Variants in PTPRD observed in about 807,000 individuals in gnomAD.
PTPRD encodes the protein protein tyrosine phosphatase receptor type D, also known as receptor-type tyrosine-protein phosphatase delta.
Under a neutral mutation model 214.5 loss-of-function variants are expected in PTPRD, and 34 were observed. The ratio of observed to expected loss-of-function variants is 0.16; its 90% CI spans 0.12 to 0.21. The LOEUF is 0.21. Ranked by LOEUF, PTPRD falls within the 10% of genes least tolerant of loss-of-function variation. The pLI is 1.00. For missense variants in PTPRD, 2,545 were observed against 2,398.7 expected (o/e 1.06, Z -1.27); for synonymous variants, 1,128 against 845.7 (o/e 1.33, Z -5.79).
chr9:10,361,164 G>A (rs760010900), intron 2 of PTPRD, among the ~76,000 whole-genome samples: 6 of 152,122 alleles, frequency 3.9e-5, no homozygotes, highest in Non-Finnish European at 7.4e-5. Context: ...AAGTCAAAAA[G>A]TATTGAGAAG....
chr9:9,898,342 T>C (rs901416140), intron 5 of PTPRD, among the ~76,000 whole-genome samples: 3 of 152,126 alleles, frequency 2.0e-5, no homozygotes, highest in Non-Finnish European at 4.4e-5. Context: ...AGATAGATTT[T>C]AATTAGCTGT....
At chr9:9,081,622 G>T (rs962911737) in intron 10 of PTPRD, among the ~76,000 whole-genome samples, 2 of 151,978 alleles carry the variant, frequency 1.3e-5, no homozygotes, top group African/African-American at 4.8e-5. Context: ...ATTATTGTGT[G>T]GGAGTCTAAG....
At chr9:9,350,161 GCCTTAGTATCATAAAAAAAT>G in intron 9 of PTPRD, among the ~76,000 whole-genome samples, 1 of 152,028 alleles carries the variant, frequency 6.6e-6, no homozygotes, top group South Asian at 2.1e-4. Context: ...TCTTTTTTCA[GCCTTAGTATCATAAAAAAAT>G]GTTCCTCTCC....
intron 14 of PTPRD, among the ~76,000 whole-genome samples, chr9:8,608,200 A>G (rs1484297902): frequency 6.6e-6 from 1 of 151,950 alleles, no homozygotes; most frequent in Non-Finnish European, 1.5e-5. Context: ...CTGTTACCCT[A>G]TTAACCCGGA....
intron 3 of PTPRD, among the ~76,000 whole-genome samples, chr9:10,265,729 C>T (rs546948418): frequency 6.6e-6 from 1 of 152,128 alleles, no homozygotes; most frequent in African/African-American, 2.4e-5. Context: ...TAGGCAGCAT[C>T]CGGACCTGAT....
chr9:8,695,740 T>C (rs1293573208), intron 12 of PTPRD, among the ~76,000 whole-genome samples: 1 of 152,240 alleles, frequency 6.6e-6, no homozygotes, highest in Non-Finnish European at 1.5e-5. Context: ...TGATCTATGA[T>C]AAATCAAATC....
chr9:8,576,440 T>C (rs948452099), intron 14 of PTPRD, among the ~76,000 whole-genome samples: 3 of 152,258 alleles, frequency 2.0e-5, no homozygotes, highest in Middle Eastern at 3.4e-3. Flanking sequence ...TTATACTTTA[T>C]GTCTTTTCCA....
At chr9:8,614,954 G>A (rs1564731661) in intron 14 of PTPRD, among the ~76,000 whole-genome samples, 2 of 152,118 alleles carry the variant, frequency 1.3e-5, no homozygotes. Context: ...AAAGAAAGGA[G>A]AGCCCACTCT....
chr9:9,747,413 G>C (rs1218156833), intron 6 of PTPRD, among the ~76,000 whole-genome samples: 1 of 152,124 alleles, frequency 6.6e-6, no homozygotes, highest in Non-Finnish European at 1.5e-5. Context: ...AATAGAGTGT[G>C]TGAGCCATGC....
At chr9:10,484,471 C>T (rs1279234516) in intron 2 of PTPRD, among the ~76,000 whole-genome samples, 1 of 152,072 alleles carries the variant, frequency 6.6e-6, no homozygotes, top group Non-Finnish European at 1.5e-5. Flanking sequence ...AAGCTGTTTT[C>T]CATAGTAGTT....
rs147501856 is a variant in PTPRD at position 9,711,278 on chromosome 9, A to T, written c.-287+23255T>A. On this transcript the variant is annotated intron_variant, in intron 7 of 45. Transcript: ENST00000381196. ...TGCCATAGGAACTGTATTCTTGTTT[A>T]TATCAATTAACCTTTGGTAAAATTG... Among the ~76,000 whole-genome samples, 16 of 152,294 alleles carry T rather than the reference A, an allele frequency of 1.1e-4. No homozygotes were observed. In the East Asian group the frequency reaches 2.9e-3, roughly 28 times the overall value.
intron 3 of PTPRD, among the ~76,000 whole-genome samples, chr9:10,231,987 A>AGAGAGAGAGAGAGTGTGT (rs1564678071): frequency 1.0e-5 from 1 of 97,724 alleles, no homozygotes; most frequent in African/African-American, 4.6e-5. Context: ...AGAGAGAGAG[A>AGAGAGAGAGAGAGTGTGT]GAGTGTGTGT....
chr9:8,989,508 C>A (rs1281395934), intron 11 of PTPRD, among the ~76,000 whole-genome samples: 2 of 152,036 alleles, frequency 1.3e-5, no homozygotes, highest in East Asian at 3.9e-4. Flanking sequence ...ACCTCCAGTT[C>A]CGTCAATGTT....
intron 11 of PTPRD, among the ~76,000 whole-genome samples, chr9:8,777,831 T>C (rs2095545058): frequency 6.6e-6 from 1 of 152,202 alleles, no homozygotes; most frequent in African/African-American, 2.4e-5. Flanking sequence ...GAGCAAAGCA[T>C]AGTGATTATC....
intron 7 of PTPRD, among the ~76,000 whole-genome samples, chr9:9,663,113 T>C (rs535108444): frequency 5.3e-5 from 8 of 151,584 alleles, no homozygotes. Flanking sequence ...TGTGTTTATA[T>C]GCATGTAGAT....
chr9:9,032,832 T>C (rs887066364), intron 10 of PTPRD, among the ~76,000 whole-genome samples: 2 of 152,124 alleles, frequency 1.3e-5, no homozygotes, highest in Non-Finnish European at 2.9e-5. Flanking sequence ...GCAGTGAAGA[T>C]ACTGAGACAA....
intron 3 of PTPRD, among the ~76,000 whole-genome samples, chr9:10,140,144 A>G (rs973828151): frequency 1.3e-5 from 2 of 152,064 alleles, no homozygotes; most frequent in African/African-American, 4.8e-5. Context: ...AACCATCTGC[A>G]GAATGGGAGA....
intron 10 of PTPRD, among the ~76,000 whole-genome samples, chr9:9,055,986 A>C (rs1263255567): frequency 6.6e-6 from 1 of 151,988 alleles, no homozygotes; most frequent in Non-Finnish European, 1.5e-5. Flanking sequence ...CATTTGTTTT[A>C]TGTTCTGGTG....
rs1245325012 is a variant in PTPRD, at chr9:8,881,299, T to C, written c.-104+137398A>G. Among the ~76,000 whole-genome samples, 4 of 152,208 alleles carry C rather than the reference T, an allele frequency of 2.6e-5. No individual in the cohort carries two copies. In the East Asian group the frequency reaches 7.7e-4, roughly 29 times the overall value. Reference sequence around the variant, plus strand: ...TCAAATCTTTATAAATTCCCATTAATAACCAATAGGAAAACTTAGTCTTAA... The same window carrying C: ...TCAAATCTTTATAAATTCCCATTAACAACCAATAGGAAAACTTAGTCTTAA... On this transcript the variant is annotated intron_variant, in intron 11 of 45. Coordinates refer to ENST00000381196, the MANE Select transcript of PTPRD (RefSeq NM_002839.4).
Sources: gnomAD v4.1 joint callset for allele counts (sites outside exome capture counted in the v4.1 genomes callset) on GRCh38, gnomAD v4.1.1 for gene constraint, MANE v1.5 for transcripts, NCBI Gene and HGNC (gene_info 2026-07-23, HGNC 2026-07-21) for gene names.